Variants in ARHGAP44 observed in about 807,000 individuals in gnomAD.
The protein encoded by ARHGAP44 is Rho GTPase activating protein 44, also known as rho GTPase-activating protein 44.
Under a neutral mutation model 106.8 loss-of-function variants are expected in ARHGAP44, and 43 were observed. The observed-to-expected ratio is 0.40, with a 90% CI of 0.32 to 0.52. The LOEUF (loss-of-function observed/expected upper bound fraction) is 0.52. Ranked by LOEUF, ARHGAP44 falls within the 20% of genes least tolerant of loss-of-function variation. The probability of loss-of-function intolerance (pLI) is 0.48; values close to 1 mark genes in which losing one functional copy is unlikely to be tolerated. For synonymous variants in ARHGAP44, 439 were observed against 410.3 expected (o/e 1.07, Z -0.85); for missense variants, 866 against 1,050.5 (o/e 0.82, Z 2.43).
chr17:12,923,183 G>C (rs1261584312), intron 6 of ARHGAP44, among the ~76,000 whole-genome samples: 1 of 152,050 alleles, frequency 6.6e-6, no homozygotes, highest in African/African-American at 2.4e-5. Flanking sequence ...GTGAGTTTAG[G>C]GATAGGGAAT....
intron 6 of ARHGAP44, among the ~76,000 whole-genome samples, chr17:12,922,840 T>G (rs1286120098): frequency 6.6e-6 from 1 of 152,042 alleles, no homozygotes; most frequent in Non-Finnish European, 1.5e-5. Flanking sequence ...GCAGGAACAC[T>G]AGACAAAGTC....
At chr17:12,903,140 A>AGAGAGTGTGT (rs1403029479) in intron 3 of ARHGAP44, among the ~76,000 whole-genome samples, 2 of 57,574 alleles carry the variant, frequency 3.5e-5, no homozygotes, top group African/African-American at 1.3e-4. Context: ...AGAGAGAGAG[A>AGAGAGTGTGT]GTGTGTGTGT....
chr17:12,885,324 GGTGTGTGTGTGT>G (rs146415425), intron 1 of ARHGAP44, among the ~76,000 whole-genome samples: 2 of 148,710 alleles, frequency 1.3e-5, no homozygotes, highest in Non-Finnish European at 3.0e-5. Flanking sequence ...TCACAGAGTA[GGTGTGTGTGTGT>G]GTGTGTGTGT....
chr17:12,829,756 A>T (rs552830861), intron 1 of ARHGAP44, among the ~76,000 whole-genome samples: 4 of 152,084 alleles, frequency 2.6e-5, no homozygotes, highest in Admixed American at 2.6e-4. Context: ...CTCAAATGTC[A>T]TTTTCTTCAT....
chr17:12,837,071 T>C (rs956069833), intron 1 of ARHGAP44, among the ~76,000 whole-genome samples: 4 of 152,220 alleles, frequency 2.6e-5, no homozygotes, highest in African/African-American at 9.7e-5. Flanking sequence ...TGATACAAAG[T>C]GTGCTCTCTG....
chr17:12,932,186 T>C (rs2038422195), intron 7 of ARHGAP44, among the ~76,000 whole-genome samples: 1 of 152,238 alleles, frequency 6.6e-6, no homozygotes, highest in East Asian at 1.9e-4. Context: ...TAATGCATGT[T>C]GCTCCTATTT....
rs753235149 is a variant in ARHGAP44 at position 12,974,162 on chromosome 17, G to T, written c.1615G>T (p.Ala539Ser). 10 of 1,554,520 alleles carry T rather than the reference G, an allele frequency of 6.4e-6. No individual in the cohort carries two copies. The South Asian group carries it at 1.2e-4, about 18-fold the overall frequency. ...CTCGGCCGGTCGGAAAGTGTCCTGC[G>T]CCCCGCCCTCCATGCAGCCTCCCGC... ...GSSAGRKVSC[A>S]PPSMQPPAPP... Residue 539 changes from alanine to serine, a missense_variant, in exon 18 of 21, where the codon GCC becomes TCC. Transcript: ENST00000379672.
chr17:12,977,609 G>A (rs1567720741), intron 18 of ARHGAP44, among the ~76,000 whole-genome samples: 1 of 152,178 alleles, frequency 6.6e-6, no homozygotes, highest in Non-Finnish European at 1.5e-5. Flanking sequence ...GTCCTCAAAC[G>A]TGCCTTAAAC....
At chr17:12,851,295 T>C (rs1033858726) in intron 1 of ARHGAP44, among the ~76,000 whole-genome samples, 5 of 152,172 alleles carry the variant, frequency 3.3e-5, no homozygotes, top group African/African-American at 1.2e-4. Flanking sequence ...CATCCCAAAC[T>C]GTACAGCTGT....
intron 3 of ARHGAP44, among the ~76,000 whole-genome samples, chr17:12,908,029 T>C (rs186976866): frequency 4.0e-4 from 61 of 152,150 alleles, no homozygotes; most frequent in Admixed American, 8.5e-4. Context: ...GAGGTCTTGA[T>C]TGGGGTTTTC....
At chr17:12,919,172 A>G (rs1316181407) in intron 5 of ARHGAP44, among the ~76,000 whole-genome samples, 2 of 152,150 alleles carry the variant, frequency 1.3e-5, no homozygotes. Flanking sequence ...AAACTATGGG[A>G]TGTGATGGAT....
chr17:12,972,838 T>C (rs916800051), intron 16 of ARHGAP44, among the ~76,000 whole-genome samples: 1 of 151,682 alleles, frequency 6.6e-6, no homozygotes, highest in Non-Finnish European at 1.5e-5. Flanking sequence ...ATTTTTTGTA[T>C]TTTTAGTAGA....
At chr17:12,933,087 A>G (rs1048542285) in intron 7 of ARHGAP44, among the ~76,000 whole-genome samples, 1 of 152,092 alleles carries the variant, frequency 6.6e-6, no homozygotes, top group Admixed American at 6.6e-5. Context: ...GTTTTGTTAA[A>G]GTTCTCTTCT....
intron 1 of ARHGAP44, among the ~76,000 whole-genome samples, chr17:12,802,639 A>C (rs1381546150): frequency 2.0e-5 from 3 of 151,810 alleles, no homozygotes; most frequent in Non-Finnish European, 4.4e-5. Context: ...CCAGTTGTTG[A>C]CCAGGCTCTT....
At chr17:12,909,988 A>G (rs927755381) in intron 4 of ARHGAP44, among the ~76,000 whole-genome samples, 5 of 152,368 alleles carry the variant, frequency 3.3e-5, no homozygotes, top group Admixed American at 6.5e-5. Flanking sequence ...TTAACAAACT[A>G]TGTATTCGTC....
intron 1 of ARHGAP44, among the ~76,000 whole-genome samples, chr17:12,890,126 C>T (rs1001871462): frequency 2.0e-5 from 3 of 152,078 alleles, no homozygotes; most frequent in African/African-American, 7.2e-5. Context: ...CATGGCTCCA[C>T]TAGGCATTGC....
chr17:12,918,754 G>C (rs377413810), intron 5 of ARHGAP44, among the ~76,000 whole-genome samples: 1 of 152,066 alleles, frequency 6.6e-6, no homozygotes, highest in Non-Finnish European at 1.5e-5. Flanking sequence ...ACATGACTGC[G>C]TGGCTCCCTT....
intron 5 of ARHGAP44, 150 bp from the exon 6 acceptor site, chr17:12,919,605 C>T (rs1567687112): frequency 5.8e-6 from 3 of 519,290 alleles, no homozygotes; most frequent in Non-Finnish European, 6.8e-6. Context: ...AGGCTGGTCT[C>T]GAACTCCTGA....
intron 7 of ARHGAP44, 44 bp from the exon 8 acceptor site, chr17:12,941,012 A>G (rs1567698823): frequency 6.3e-7 from 1 of 1,578,116 alleles, no homozygotes; most frequent in Non-Finnish European, 8.7e-7. Context: ...GCCACTCTCC[A>G]TTGGTTTATG....
Sources: gnomAD v4.1 joint callset for allele counts (sites outside exome capture counted in the v4.1 genomes callset) on GRCh38, gnomAD v4.1.1 for gene constraint, MANE v1.5 for transcripts, NCBI Gene and HGNC (gene_info 2026-07-23, HGNC 2026-07-21) for gene names.